The following GATM variants were observed in gnomAD, a reference collection of about 807,000 sequenced individuals.
GATM encodes glycine amidinotransferase, mitochondrial.
Under a neutral mutation model 54.2 loss-of-function variants are expected in GATM, and 23 were observed. The observed-to-expected ratio is 0.42, with a 90% CI of 0.31 to 0.60. The LOEUF (loss-of-function observed/expected upper bound fraction) is 0.60, where lower values mean the gene tolerates loss of function less well. GATM is among the 20% of genes least tolerant of loss of function. The pLI is 0.14. For missense variants in GATM, 401 were observed against 544.9 expected, an observed-to-expected ratio of 0.74 and a Z score of 2.63; for synonymous variants, 168 against 183.1, an observed-to-expected ratio of 0.92 and a Z score of 0.67.
intron 1 of GATM, chr15:45,377,321 C>T: frequency 2.3e-6 from 1 of 438,190 alleles, no homozygotes; most frequent in Admixed American, 2.7e-5. Context: ...TGTAAAGGAC[C>T]TTATCTTTCA....
chr15:45,392,540 A>C (rs1476943275), intron 3 of GATM, among the ~76,000 whole-genome samples: 2 of 152,236 alleles, frequency 1.3e-5, no homozygotes, highest in African/African-American at 4.8e-5. Context: ...GAGAGCACCA[A>C]AGCACAGCAT....
upstream of GATM, chr15:45,380,187 T>TA (rs1173090501): frequency 2.4e-5 from 3 of 124,022 alleles, no homozygotes; most frequent in Non-Finnish European, 4.8e-5. Flanking sequence ...TAATCCCAGC[T>TA]ACTGAGCTGA....
At chr15:45,378,545 G>C, upstream of GATM, 1 of 1,058,642 alleles carries the variant, frequency 9.4e-7, no homozygotes, top group Non-Finnish European at 1.2e-6. Flanking sequence ...GGAGCGGGGT[G>C]GGCGGGCGCG....
At chr15:45,366,897 G>T (rs1153857) in intron 4 of GATM, among the ~76,000 whole-genome samples, 85,315 of 152,020 alleles carry the variant, frequency 0.56, 27,419 homozygotes, top group East Asian at 0.91. Context: ...TTGTTGTTAG[G>T]CTCTTACTGT....
rs528771232 is a variant in GATM at position 45,363,706 on chromosome 15, G to A, written c.1159+194C>T. On this transcript the variant is annotated intron_variant, in intron 8 of 8. Coordinates refer to ENST00000396659, the MANE Select transcript of GATM (RefSeq NM_001482.3). ...AGGGGATGTCTCAGGAGCTCAGGAT[G>A]CATCTCCAACTTGTTGGGGCTACGT... is the stretch of plus-strand genomic sequence containing the variant. The A allele has an allele frequency of 3.4e-5, 21 of 609,640 alleles. No individual in the cohort carries two copies. In the Admixed American group the frequency reaches 4.4e-4, roughly 13 times the overall value. The allele number at this position is 609,640 out of a possible 1,614,324, so 37.8% of individuals were successfully genotyped here.
At chr15:45,395,991 G>A (rs540858370) in intron 3 of GATM, among the ~76,000 whole-genome samples, 1 of 152,252 alleles carries the variant, frequency 6.6e-6, no homozygotes, top group East Asian at 1.9e-4. Flanking sequence ...CAGAGCACCT[G>A]GAGAAGAGCA....
intron 2 of GATM, among the ~76,000 whole-genome samples, chr15:45,369,883 A>G (rs566283031): frequency 6.6e-6 from 1 of 152,348 alleles, no homozygotes; most frequent in African/African-American, 2.4e-5. Context: ...GAGAGCCTCA[A>G]TAAAATGAAA....
At chr15:45,373,349 A>C (rs1220975055) in intron 2 of GATM, 4 of 152,082 alleles carry the variant, frequency 2.6e-5, no homozygotes, top group Non-Finnish European at 5.9e-5. Context: ...TACAAAAAAA[A>C]CAAATTAGCC....
rs1011134759 is a variant in GATM, at chr15:45,369,632, A to G, written c.289-111T>C. On this transcript the variant is annotated intron_variant, in intron 2 of 8. Coordinates refer to ENST00000396659, the MANE Select transcript of GATM (RefSeq NM_001482.3). ...ATAAGGTATTGGAATTGAGACTCCA[A>G]CCACTCCATGTTCAGTGCTGATCCC... 1.5e-5 allele frequency: 14 copies of G among 908,352 alleles called. No homozygotes were observed. The African/African-American group carries it at 1.7e-4, about 11-fold the overall frequency. 56.3% of individuals were successfully genotyped at this position (908,352 alleles called of 1,614,324 possible).
At chr15:45,395,144 C>T (rs1889914306) in intron 3 of GATM, among the ~76,000 whole-genome samples, 1 of 152,118 alleles carries the variant, frequency 6.6e-6, no homozygotes, top group Non-Finnish European at 1.5e-5. Flanking sequence ...AAATGGATAC[C>T]TGAGAATTAA....
At position 45,377,564 on chromosome 15, in the gene GATM, G is replaced by C. The variant is rs1004576899; in HGVS notation, c.70-745C>G. ...GGCCTATAAAATCTAGAGCAGGGAG[G>C]GTCCCTCAACCCCTGAGCAAACCTC... On this transcript the variant is annotated intron_variant, in intron 1 of 8. Coordinates refer to ENST00000396659, the MANE Select transcript of GATM (RefSeq NM_001482.3). The C allele has an allele frequency of 2.4e-4, 73 of 300,050 alleles. 2 individuals are homozygous for C. The highest frequency in any genetic ancestry group is 2.1e-3 in the South Asian group (72 of 33,760). The allele number at this position is 300,050 out of a possible 1,614,324, so 18.6% of individuals were successfully genotyped here.
intron 8 of GATM, 134 bp downstream of exon 8, chr15:45,363,766 T>C: frequency 1.5e-6 from 1 of 671,452 alleles, no homozygotes; most frequent in Non-Finnish European, 2.7e-6. Flanking sequence ...TTCTGTGAAA[T>C]AATAACTTGG....
At chr15:45,378,227 G>A (rs376261069) in intron 1 of GATM, 158 bp downstream of exon 1, 1 of 540,732 alleles carries the variant, frequency 1.8e-6, no homozygotes, top group Non-Finnish European at 3.2e-6. Context: ...TTGAAGCTGA[G>A]CTTCCCAGGG....
intron 1 of GATM, chr15:45,399,741 A>G (rs1889976018): frequency 6.6e-6 from 1 of 152,292 alleles, no homozygotes; most frequent in South Asian, 2.1e-4. Flanking sequence ...AATTGAGTGG[A>G]AACCACAGTT....
intron 1 of GATM, chr15:45,377,435 C>G: frequency 2.7e-6 from 1 of 374,790 alleles, no homozygotes; most frequent in Non-Finnish European, 5.1e-6. Flanking sequence ...CTCCATTTTA[C>G]AGATGGTCCA....
intron 3 of GATM, among the ~76,000 whole-genome samples, chr15:45,384,393 G>T (rs1325882993): frequency 6.6e-6 from 1 of 152,202 alleles, no homozygotes; most frequent in Non-Finnish European, 1.5e-5. Context: ...TAAAGAGATA[G>T]AAAGTCCAGA....
chr15:45,378,483 A>G lies in GATM; in HGVS notation c.-30T>C, dbSNP rs8024550. On this transcript the variant is annotated 5_prime_UTR_variant, in exon 1 of 9. Coordinates refer to ENST00000396659, the MANE Select transcript of GATM (RefSeq NM_001482.3). ...CTGGCCCGGCTGGTCCACGCGCGGA[A>G]TGTTCCTGGCCTCTGGGCCGCGTCG... is the stretch of plus-strand genomic sequence containing the variant. 1.4e-6 allele frequency: 2 copies of G among 1,393,876 alleles called. No homozygotes were observed. Among genetic ancestry groups the G allele is most frequent in the South Asian group, 1.5e-5 (1 of 66,900 alleles). 86.3% of individuals were successfully genotyped at this position (1,393,876 alleles called of 1,614,324 possible). A position where few individuals can be genotyped will look rare whatever the true frequency, so the allele number is the denominator to read the frequency against.
At chr15:45,379,569 C>T (rs1453451341), upstream of GATM, 1 of 152,120 alleles carries the variant, frequency 6.6e-6, no homozygotes, top group Non-Finnish European at 1.5e-5. Context: ...TACTATATGT[C>T]TTCCTGAATT....
At chr15:45,386,416 C>A (rs4775937) in intron 3 of GATM, among the ~76,000 whole-genome samples, 48,333 of 151,950 alleles carry the variant, frequency 0.32, 8,796 homozygotes, top group East Asian at 0.83. Context: ...AGCAAAAGGC[C>A]CTGTGTCTGC....
Sources: allele counts gnomAD v4.1 joint callset (sites outside exome capture counted in the v4.1 genomes callset), GRCh38; gene constraint gnomAD v4.1.1; transcripts MANE v1.5; gene names NCBI Gene and HGNC (gene_info 2026-07-23, HGNC 2026-07-21).